The following PAK5 variants were observed in gnomAD, a reference collection of about 807,000 sequenced individuals.
PAK5 encodes p21 (RAC1) activated kinase 5, also known as serine/threonine-protein kinase PAK 5.
A neutral mutation model predicts 65.9 loss-of-function variants in PAK5; 16 were observed. That is an observed-to-expected ratio of 0.24 (90% CI 0.16 to 0.37). The LOEUF is 0.37. Among genes scored for constraint, PAK5 ranks in the 10% least tolerant of loss-of-function variants. The probability of loss-of-function intolerance (pLI) is 1.00; values close to 1 mark genes in which losing one functional copy is unlikely to be tolerated. For synonymous variants in PAK5, 371 were observed against 354.9 expected (o/e 1.05, Z -0.51); for missense variants, 785 against 903.9 (o/e 0.87, Z 1.69).
chr20:9,631,650 A>C (rs1206218876), intron 3 of PAK5, among the ~76,000 whole-genome samples: 1 of 152,208 alleles, frequency 6.6e-6, no homozygotes, highest in African/African-American at 2.4e-5. Flanking sequence ...GAACTCAGAG[A>C]AACTGTGATA....
At chr20:9,706,728 G>A (rs896643988) in intron 2 of PAK5, among the ~76,000 whole-genome samples, 1 of 151,096 alleles carries the variant, frequency 6.6e-6, no homozygotes, top group Non-Finnish European at 1.5e-5. Context: ...GGCTGATCTC[G>A]AACTCTTGAG....
chr20:9,582,254 T>G (rs1299199117), intron 3 of PAK5, among the ~76,000 whole-genome samples: 1 of 152,158 alleles, frequency 6.6e-6, no homozygotes, highest in African/African-American at 2.4e-5. Context: ...TCCAGGATAG[T>G]TCATTACATT....
intron 3 of PAK5, among the ~76,000 whole-genome samples, chr20:9,591,441 T>A (rs561978986): frequency 3.7e-4 from 57 of 152,202 alleles, no homozygotes; most frequent in African/African-American, 1.3e-3. Context: ...GGGCAGAATA[T>A]AAAATATTTC....
chr20:9,800,855 T>C (rs1349390494), intron 1 of PAK5, among the ~76,000 whole-genome samples: 2 of 151,528 alleles, frequency 1.3e-5, no homozygotes, highest in Admixed American at 6.6e-5. Flanking sequence ...AGATTCTCCA[T>C]CACATTCCCA....
chr20:9,569,789 T>C (rs188231109), intron 4 of PAK5, among the ~76,000 whole-genome samples: 1 of 149,886 alleles, frequency 6.7e-6, no homozygotes, highest in Non-Finnish European at 1.5e-5. Context: ...ACACTGCCCA[T>C]TGGTTCTACA....
At chr20:9,626,598 G>T (rs2046846919) in intron 3 of PAK5, among the ~76,000 whole-genome samples, 1 of 152,178 alleles carries the variant, frequency 6.6e-6, no homozygotes, top group African/African-American at 2.4e-5. Context: ...GTGAGGGTGT[G>T]GTATCCAACC....
At chr20:9,621,652 G>A (rs1435067029) in intron 3 of PAK5, among the ~76,000 whole-genome samples, 1 of 152,156 alleles carries the variant, frequency 6.6e-6, no homozygotes, top group Non-Finnish European at 1.5e-5. Flanking sequence ...AAAACCTGAA[G>A]TTTAAATAAG....
At chr20:9,815,498 CT>C (rs1231575546) in intron 1 of PAK5, among the ~76,000 whole-genome samples, 2 of 152,088 alleles carry the variant, frequency 1.3e-5, no homozygotes, top group Admixed American at 6.6e-5. Context: ...ATCCTCATTG[CT>C]CCATCCCCTA....
In PAK5 at chr20:9,540,053, C is replaced by T. The variant is rs116696127; in HGVS notation, c.2005-436G>A. ...GAGAAACAAGCTTCTGTAAGGATAT[C>T]GAACACATCTCATTTTTTTCTTTGA... On this transcript the variant is annotated intron_variant, in intron 9 of 9. Coordinates refer to ENST00000353224, the MANE Select transcript of PAK5 (RefSeq NM_177990.4). Among the ~76,000 whole-genome samples the T allele has an allele frequency of 5.2e-3, 796 of 152,172 alleles. 6 individuals carry two copies. Among genetic ancestry groups the T allele is most frequent in the African/African-American group, 0.018 (746 of 41,544 alleles).
chr20:9,547,260 A>C (rs1355538289), intron 7 of PAK5, among the ~76,000 whole-genome samples: 3 of 152,094 alleles, frequency 2.0e-5, no homozygotes, highest in Non-Finnish European at 4.4e-5. Flanking sequence ...ACACTACCAA[A>C]ATCTTGATTT....
At chr20:9,617,549 CTTTTTTTT>C (rs532259417) in intron 3 of PAK5, among the ~76,000 whole-genome samples, 3 of 94,580 alleles carry the variant, frequency 3.2e-5, no homozygotes, top group African/African-American at 1.1e-4. Context: ...AATCCCAATC[CTTTTTTTT>C]TTTTTTTTTT....
intron 1 of PAK5, among the ~76,000 whole-genome samples, chr20:9,773,917 G>GT (rs1273579380): frequency 1.3e-5 from 2 of 152,212 alleles, no homozygotes; most frequent in African/African-American, 4.8e-5. Context: ...ATGCTTTGCA[G>GT]TAACTGTTCC....
chr20:9,625,146 T>TAACCACCTCCATCACCTCC (rs1250179233), intron 3 of PAK5, among the ~76,000 whole-genome samples: 3 of 152,050 alleles, frequency 2.0e-5, no homozygotes, highest in African/African-American at 7.2e-5. Context: ...CCACCACCTT[T>TAACCACCTCCATCACCTCC]AACCACCTCC....
At chr20:9,707,253 G>A (rs1226652878) in intron 2 of PAK5, among the ~76,000 whole-genome samples, 5 of 152,044 alleles carry the variant, frequency 3.3e-5, no homozygotes, top group African/African-American at 9.7e-5. Flanking sequence ...CAAAGCAGCT[G>A]GGATCACAGG....
chr20:9,790,875 T>G (rs2049043302), intron 1 of PAK5, among the ~76,000 whole-genome samples: 1 of 151,968 alleles, frequency 6.6e-6, no homozygotes, highest in Non-Finnish European at 1.5e-5. Flanking sequence ...TGTGGAGATA[T>G]CTCACTCTGT....
At chr20:9,666,074 T>C (rs765806441) in intron 2 of PAK5, among the ~76,000 whole-genome samples, 15 of 152,124 alleles carry the variant, frequency 9.9e-5, no homozygotes, top group Non-Finnish European at 2.2e-4. Context: ...AGGAAAGTGC[T>C]TTCTGTTTAG....
At chr20:9,754,396 G>C (rs1259553032) in intron 1 of PAK5, among the ~76,000 whole-genome samples, 4 of 152,046 alleles carry the variant, frequency 2.6e-5, no homozygotes, top group Non-Finnish European at 5.9e-5. Flanking sequence ...GAAATTACAG[G>C]GCATCAAAAC....
At chr20:9,612,172 C>T (rs533679049) in intron 3 of PAK5, among the ~76,000 whole-genome samples, 4 of 152,166 alleles carry the variant, frequency 2.6e-5, no homozygotes, top group African/African-American at 7.2e-5. Flanking sequence ...CAATGAGGCC[C>T]GTCCTCTGGG....
At chr20:9,762,141 C>T (rs1193884799) in intron 1 of PAK5, among the ~76,000 whole-genome samples, 6 of 152,082 alleles carry the variant, frequency 3.9e-5, no homozygotes, top group Admixed American at 6.6e-5. Context: ...TTAAATGTAA[C>T]ACTTGAAGAT....
Sources: gnomAD v4.1 joint callset for allele counts (sites outside exome capture counted in the v4.1 genomes callset) on GRCh38, gnomAD v4.1.1 for gene constraint, MANE v1.5 for transcripts, NCBI Gene and HGNC (gene_info 2026-07-23, HGNC 2026-07-21) for gene names.